LAMA2: variants seen among roughly 807,000 people sequenced by gnomAD.
LAMA2 encodes the protein laminin subunit alpha-2.
Under a neutral mutation model 364.8 loss-of-function variants are expected in LAMA2, and 269 were observed. The ratio of observed to expected loss-of-function variants is 0.74; its 90% CI spans 0.67 to 0.82. The LOEUF is 0.82. LAMA2 is among the 40% of genes least tolerant of loss of function. The pLI is 0.00. For missense variants in LAMA2, 3,807 were observed against 3,873.2 expected, an observed-to-expected ratio of 0.98 and a Z score of 0.45; for synonymous variants, 1,379 against 1,370.6, an observed-to-expected ratio of 1.01 and a Z score of -0.14.
intron 19 of LAMA2, among the ~76,000 whole-genome samples, chr6:129,289,954 C>T (rs566100481): frequency 1.3e-5 from 2 of 152,120 alleles, no homozygotes; most frequent in South Asian, 4.2e-4. Flanking sequence ...GGTAAAACCT[C>T]AAGGAAAGAA....
intron 14 of LAMA2, among the ~76,000 whole-genome samples, chr6:129,256,819 A>G (rs1323843867): frequency 2.1e-5 from 3 of 141,298 alleles, no homozygotes; most frequent in African/African-American, 7.8e-5. Context: ...AAAAAAGACA[A>G]TTGTAACATC....
At chr6:128,885,258 G>A (rs1350600582) in intron 1 of LAMA2, among the ~76,000 whole-genome samples, 1 of 152,136 alleles carries the variant, frequency 6.6e-6, no homozygotes, top group African/African-American at 2.4e-5. Flanking sequence ...AATGTTGAAA[G>A]TATGTAAAAT....
At chr6:129,021,091 A>C (rs550121586) in intron 1 of LAMA2, among the ~76,000 whole-genome samples, 34 of 152,214 alleles carry the variant, frequency 2.2e-4, no homozygotes, top group Non-Finnish European at 4.7e-4. Flanking sequence ...AGTAACTCTT[A>C]GAAGTTTCTC....
chr6:129,393,214 C>A lies in LAMA2; in HGVS notation c.5404C>A (p.Arg1802Ser), dbSNP rs761866721. Reference protein sequence around the residue: ...EATDKIREANRLFAVNQKNMT... With the variant: ...EATDKIREANSLFAVNQKNMT... ...CACAGATAAAATCAGAGAAGCTAAT[C>A]GCCTATTTGCAGTAAATCAGAAAAA... The change falls in exon 37 of 65, where the codon CGC (arginine) becomes AGC (serine). Residue 1802 changes from arginine (R) to serine (S), a missense_variant. By Grantham distance (110) the Arg-to-Ser change is moderately radical. Coordinates refer to ENST00000421865, the MANE Select transcript of LAMA2 (RefSeq NM_000426.4). The A allele has an allele frequency of 1.9e-6, 3 of 1,614,016 alleles. No homozygotes were observed. The Admixed American group carries it at 5.0e-5, about 27-fold the overall frequency.
intron 4 of LAMA2, among the ~76,000 whole-genome samples, chr6:129,099,310 G>A (rs1775381029): frequency 6.6e-6 from 1 of 151,666 alleles, no homozygotes; most frequent in Admixed American, 6.6e-5. Context: ...TGCACACTAA[G>A]TACTCTGTGC....
At position 129,383,201 on chromosome 6, in the gene LAMA2, A is replaced by G; in HGVS notation, c.5039A>G (p.Glu1680Gly). Residue 1680 changes from glutamate to glycine, a missense_variant, in exon 35 of 65, where the codon GAA becomes GGA. Glu to Gly is a moderately conservative substitution (Grantham distance 98, BLOSUM62 -2). Coordinates refer to ENST00000421865, the MANE Select transcript of LAMA2 (RefSeq NM_000426.4). ...RTNTRAKSLG[E>G]FIKELARDAE... ...AACACAAGAGCAAAGTCCCTGGGAG[A>G]ATTCATTAAGGAGCTTGCCCGGGAT... 1 of 1,613,670 alleles carries G rather than the reference A, an allele frequency of 6.2e-7. No homozygotes were observed. Among genetic ancestry groups the G allele is most frequent in the South Asian group, 1.1e-5 (1 of 90,994 alleles).
Position 129,144,007 on chromosome 6 carries a change from G to C in LAMA2, c.746G>C (p.Arg249Pro). ...RYIRLRFQRI[R>P]TLNADLMMFA... ...ATTCGCCTGAGATTTCAGAGGATCC[G>C]CACACTGAATGCTGACTTGATGATG... The change falls in exon 5 of 65, where the codon CGC becomes CCC. Residue 249 changes from arginine to proline, a missense_variant. Transcript: ENST00000421865. The C allele has an allele frequency of 6.2e-7, 1 of 1,612,416 alleles. No homozygotes were observed. Among genetic ancestry groups the C allele is most frequent in the Non-Finnish European group, 8.5e-7 (1 of 1,178,892 alleles).
chr6:129,427,645 C>A, intron 40 of LAMA2, 107 bp from the exon 41 acceptor site: 1 of 786,270 alleles, frequency 1.3e-6, no homozygotes, highest in Non-Finnish European at 2.3e-6. Context: ...ATCTGCAGCC[C>A]AGAGCTCTTT....
intron 8 of LAMA2, chr6:129,159,061 A>G: frequency 5.7e-6 from 9 of 1,582,028 alleles, no homozygotes; most frequent in Non-Finnish European, 7.8e-6. Flanking sequence ...GTCCTTGAAC[A>G]CGAGAAATGA....
At chr6:129,130,523 G>T (rs559321614) in intron 4 of LAMA2, among the ~76,000 whole-genome samples, 1 of 152,292 alleles carries the variant, frequency 6.6e-6, no homozygotes, top group African/African-American at 2.4e-5. Flanking sequence ...TATCAAACTG[G>T]GAGATACTGA....
At chr6:129,154,468 A>C in intron 7 of LAMA2, 37 bp from the exon 8 acceptor site, 1 of 1,544,930 alleles carries the variant, frequency 6.5e-7, no homozygotes, top group South Asian at 1.1e-5. Flanking sequence ...ATCTGAAATC[A>C]AATTGATGTT....
At chr6:129,471,108 T>C (rs896112809) in intron 51 of LAMA2, among the ~76,000 whole-genome samples, 4 of 151,964 alleles carry the variant, frequency 2.6e-5, no homozygotes, top group African/African-American at 4.8e-5. Context: ...TATTATTTAA[T>C]AAAATCCTTA....
intron 10 of LAMA2, among the ~76,000 whole-genome samples, chr6:129,182,818 C>G (rs949131395): frequency 2.0e-5 from 3 of 151,658 alleles, no homozygotes; most frequent in Non-Finnish European, 4.4e-5. Context: ...AAAAATATAT[C>G]TGAGGCAAAT....
At chr6:129,179,470 C>T (rs781001431) in intron 10 of LAMA2, among the ~76,000 whole-genome samples, 1 of 152,014 alleles carries the variant, frequency 6.6e-6, no homozygotes, top group Non-Finnish European at 1.5e-5. Flanking sequence ...GTAAATATAG[C>T]GAGAAAGGCT....
intron 1 of LAMA2, among the ~76,000 whole-genome samples, chr6:129,023,922 C>A (rs1319254117): frequency 6.6e-6 from 1 of 152,022 alleles, no homozygotes; most frequent in Non-Finnish European, 1.5e-5. Flanking sequence ...GTCATTCAGT[C>A]CATTTTTGTT....
chr6:129,098,025 G>C (rs1274491859), intron 3 of LAMA2, 148 bp from the exon 4 acceptor site: 2 of 956,546 alleles, frequency 2.1e-6, no homozygotes, highest in Non-Finnish European at 3.2e-6. Context: ...ATATGAACCT[G>C]TAATAGTAAA....
At chr6:129,347,216 G>A (rs1364299803) in intron 30 of LAMA2, among the ~76,000 whole-genome samples, 2 of 152,124 alleles carry the variant, frequency 1.3e-5, no homozygotes, top group Non-Finnish European at 2.9e-5. Flanking sequence ...TGTGAGAGAG[G>A]AGACACGGTT....
At chr6:129,110,900 G>C (rs548879635) in intron 4 of LAMA2, among the ~76,000 whole-genome samples, 6 of 148,724 alleles carry the variant, frequency 4.0e-5, no homozygotes, top group Middle Eastern at 3.4e-3. Context: ...AAAAACCCAA[G>C]GGTGTGTCAG....
chr6:129,440,754 A>G (rs1314986797), intron 42 of LAMA2, 62 bp from the exon 43 acceptor site: 3 of 1,411,040 alleles, frequency 2.1e-6, no homozygotes, highest in Non-Finnish European at 3.0e-6. Flanking sequence ...TTTGTCAAGC[A>G]TGGATTAAGC....
Sources: gnomAD v4.1 joint callset for allele counts (sites outside exome capture counted in the v4.1 genomes callset) on GRCh38, gnomAD v4.1.1 for gene constraint, MANE v1.5 for transcripts, NCBI Gene and HGNC (gene_info 2026-07-23, HGNC 2026-07-21) for gene names.